The following GPR39 variants were observed in gnomAD, a reference collection of about 807,000 sequenced individuals.
GPR39 encodes zinc sensing receptor.
In GPR39, 23 loss-of-function variants were observed where a neutral mutation model predicts 18.4. That is an observed-to-expected ratio of 1.25 (90% CI 0.90 to 1.77). The LOEUF is 1.77. Ranked by LOEUF, GPR39 falls within the 40% of genes most tolerant of loss-of-function variation. The pLI is 0.00. For missense variants in GPR39, 647 were observed against 602.4 expected (o/e 1.07, Z -0.78); for synonymous variants, 280 against 257.9 (o/e 1.09, Z -0.82).
intron 1 of GPR39, among the ~76,000 whole-genome samples, chr2:132,599,343 G>T (rs1231167356): frequency 1.3e-5 from 2 of 152,014 alleles, no homozygotes; most frequent in African/African-American, 4.8e-5. Flanking sequence ...CCTTTGTTTC[G>T]ATGTGTTTTC....
Position 132,645,574 on chromosome 2 carries a change from G to T in GPR39, c.1330G>T (p.Ala444Ser). 6.2e-7 allele frequency: 1 copy of T among 1,613,908 alleles called. No homozygotes were observed. Among genetic ancestry groups the T allele is most frequent in the South Asian group, 1.1e-5 (1 of 91,034 alleles). Residue 444 changes from alanine to serine, a missense_variant, in exon 2 of 2, where the codon GCA (alanine) becomes TCA (serine). By Grantham distance (99) the Ala-to-Ser change is moderately conservative. Transcript: ENST00000329321. ...AGGCGCGAAACCAGCCAATTCTGCT[G>T]CAGAGAATGGTTTTCAGGAGCATGA... Reference protein sequence around the residue: ...NSGAKPANSAAENGFQEHEV With the variant: ...NSGAKPANSASENGFQEHEV
chr2:132,479,690 AC>A (rs1450284652), intron 1 of GPR39, among the ~76,000 whole-genome samples: 2 of 152,218 alleles, frequency 1.3e-5, no homozygotes, highest in Non-Finnish European at 2.9e-5. Context: ...CTATCAAAAA[AC>A]CAGAAAATAG....
At chr2:132,420,812 G>A (rs1319695933) in intron 1 of GPR39, among the ~76,000 whole-genome samples, 2 of 152,178 alleles carry the variant, frequency 1.3e-5, no homozygotes, top group Admixed American at 1.3e-4. Context: ...TCTAGTCGAT[G>A]TGCTGGGCTG....
chr2:132,503,323 T>A (rs1469286507), intron 1 of GPR39, among the ~76,000 whole-genome samples: 2 of 152,286 alleles, frequency 1.3e-5, no homozygotes, highest in Non-Finnish European at 1.5e-5. Context: ...AGCTGAACTC[T>A]AGTGATTACT....
chr2:132,633,785 A>G (rs1681695345), intron 1 of GPR39, among the ~76,000 whole-genome samples: 1 of 152,112 alleles, frequency 6.6e-6, no homozygotes, highest in Admixed American at 6.5e-5. Flanking sequence ...GGTGGAAGTC[A>G]TGGTAGAGAT....
chr2:132,505,092 T>G (rs2104753610), intron 1 of GPR39, among the ~76,000 whole-genome samples: 1 of 152,334 alleles, frequency 6.6e-6, no homozygotes, highest in Non-Finnish European at 1.5e-5. Flanking sequence ...AATTCATTTC[T>G]TACAGTTATG....
chr2:132,567,964 C>G (rs1196006065), intron 1 of GPR39, among the ~76,000 whole-genome samples: 1 of 152,076 alleles, frequency 6.6e-6, no homozygotes, highest in Non-Finnish European at 1.5e-5. Flanking sequence ...TCCTCCCCAG[C>G]CATGTGGAAC....
chr2:132,428,578 T>A (rs1256158984), intron 1 of GPR39, among the ~76,000 whole-genome samples: 3 of 152,198 alleles, frequency 2.0e-5, no homozygotes, highest in African/African-American at 7.2e-5. Context: ...CAGCATCACC[T>A]GGGAAATTGT....
intron 1 of GPR39, among the ~76,000 whole-genome samples, chr2:132,419,549 GC>G (rs1316148787): frequency 3.9e-5 from 6 of 152,312 alleles, no homozygotes; most frequent in African/African-American, 1.4e-4. Context: ...GACTTGGGAA[GC>G]GTACCCAACT....
Position 132,593,292 on chromosome 2 carries a change from C to G in GPR39, c.857-51809C>G, listed in dbSNP as rs551422145. 1.1e-4 allele frequency among the ~76,000 whole-genome samples: 17 copies of G among 152,274 alleles called. 1 individual carries two copies. Among genetic ancestry groups the G allele is most frequent in the African/African-American group, 3.6e-4 (15 of 41,540 alleles). ...CCCAGGTCTTCAGCTCCCCTCCTCT[C>G]CCTCCTAGAGGTCAGGCAGATATCA... On this transcript the variant is annotated intron_variant, in intron 1 of 1. Transcript: ENST00000329321.
At chr2:132,517,090 TATG>T (rs1679348608) in intron 1 of GPR39, among the ~76,000 whole-genome samples, 1 of 152,084 alleles carries the variant, frequency 6.6e-6, no homozygotes, top group Non-Finnish European at 1.5e-5. Flanking sequence ...CAGGTTTTGG[TATG>T]AAGAAGTTTT....
At chr2:132,553,245 C>T (rs747106861) in intron 1 of GPR39, among the ~76,000 whole-genome samples, 1 of 151,194 alleles carries the variant, frequency 6.6e-6, no homozygotes, top group Non-Finnish European at 1.5e-5. Context: ...ACCTTGGTAT[C>T]CTCGGGAGGT....
chr2:132,626,807 T>C (rs919411341), intron 1 of GPR39, among the ~76,000 whole-genome samples: 7 of 152,208 alleles, frequency 4.6e-5, no homozygotes, highest in African/African-American at 1.7e-4. Flanking sequence ...GAGACTCTTA[T>C]GGTTGGAAGT....
chr2:132,448,318 C>T (rs1680574262), intron 1 of GPR39, among the ~76,000 whole-genome samples: 1 of 152,100 alleles, frequency 6.6e-6, no homozygotes, highest in African/African-American at 2.4e-5. Flanking sequence ...AGTTTTGGTT[C>T]TCACTTGCTA....
At chr2:132,530,162 G>T (rs550281820) in intron 1 of GPR39, among the ~76,000 whole-genome samples, 2 of 152,218 alleles carry the variant, frequency 1.3e-5, no homozygotes, top group Admixed American at 6.5e-5. Context: ...GTCCTTAAAG[G>T]ACCTGATGGA....
intron 1 of GPR39, among the ~76,000 whole-genome samples, chr2:132,605,710 C>G (rs1681125265): frequency 6.6e-6 from 1 of 152,184 alleles, no homozygotes; most frequent in South Asian, 2.1e-4. Context: ...ATGAATCCAG[C>G]AGTGCCTTGC....
chr2:132,499,551 G>A (rs190917345), intron 1 of GPR39, among the ~76,000 whole-genome samples: 4 of 151,870 alleles, frequency 2.6e-5, no homozygotes, highest in South Asian at 2.1e-4. Context: ...TTGACTATGC[G>A]GGCTCTTTTT....
At chr2:132,551,329 T>A (rs1680040123) in intron 1 of GPR39, among the ~76,000 whole-genome samples, 1 of 152,186 alleles carries the variant, frequency 6.6e-6, no homozygotes. Flanking sequence ...TCTGTTTAGA[T>A]CTCACTAGCC....
chr2:132,517,812 CT>C lies in GPR39; in HGVS notation c.856+99915del, dbSNP rs577192235. Among the ~76,000 whole-genome samples, 75 of 152,318 alleles carry C rather than the reference CT, an allele frequency of 4.9e-4. 2 individuals carry two copies. In the South Asian group the frequency reaches 0.015, roughly 31 times the overall value. ...AAGATGGAAAATCGGAAACAAGCATCTGTTTCACTGCTTTTTCTACATTTAT... is the reference window on the plus strand; with the variant it reads ...AAGATGGAAAATCGGAAACAAGCATCGTTTCACTGCTTTTTCTACATTTAT... On this transcript the variant is annotated intron_variant, in intron 1 of 1. Coordinates refer to ENST00000329321, the MANE Select transcript of GPR39 (RefSeq NM_001508.3).
Sources: allele counts gnomAD v4.1 joint callset (sites outside exome capture counted in the v4.1 genomes callset), GRCh38; gene constraint gnomAD v4.1.1; transcripts MANE v1.5; gene names NCBI Gene and HGNC (gene_info 2026-07-23, HGNC 2026-07-21).